DTD1: variants seen among roughly 807,000 people sequenced by gnomAD.
DTD1 encodes the protein D-aminoacyl-tRNA deacylase 1.
A neutral mutation model predicts 25.6 loss-of-function variants in DTD1; 13 were observed. That is an observed-to-expected ratio of 0.51 (90% CI 0.33 to 0.81). The LOEUF (loss-of-function observed/expected upper bound fraction) is 0.81. Ranked by LOEUF, DTD1 falls within the 30% of genes least tolerant of loss-of-function variation. DTD1 has a pLI of 0.02. For missense variants in DTD1, 193 were observed against 266.4 expected, an observed-to-expected ratio of 0.72 and a Z score of 1.92; for synonymous variants, 110 against 103.6, an observed-to-expected ratio of 1.06 and a Z score of -0.37.
At chr20:18,683,726 TG>T (rs1298497676) in intron 4 of DTD1, among the ~76,000 whole-genome samples, 2 of 152,186 alleles carry the variant, frequency 1.3e-5, no homozygotes, top group Non-Finnish European at 2.9e-5. Flanking sequence ...TGACCTTCTT[TG>T]GGGGTAGTTT....
chr20:18,643,378 T>C, intron 4 of DTD1: 1 of 237,088 alleles, frequency 4.2e-6, no homozygotes, highest in Non-Finnish European at 8.9e-6. Flanking sequence ...CTGGCTTGAC[T>C]CTAAAGTCTC....
At chr20:18,753,224 A>G (rs1260569695) in intron 5 of DTD1, among the ~76,000 whole-genome samples, 2 of 152,194 alleles carry the variant, frequency 1.3e-5, no homozygotes, top group Non-Finnish European at 2.9e-5. Flanking sequence ...CTGCTATTCT[A>G]TCATTGCAGA....
At chr20:18,694,249 G>A (rs1004445444) in intron 4 of DTD1, among the ~76,000 whole-genome samples, 8 of 152,148 alleles carry the variant, frequency 5.3e-5, no homozygotes, top group East Asian at 1.9e-4. Context: ...TGTCAGTACC[G>A]CAGTGCTCAC....
At chr20:18,627,037 G>A (rs2060762138) in intron 3 of DTD1, among the ~76,000 whole-genome samples, 1 of 152,166 alleles carries the variant, frequency 6.6e-6, no homozygotes. Context: ...GATTTGAACG[G>A]CCACTTTAAT....
intron 5 of DTD1, among the ~76,000 whole-genome samples, chr20:18,755,868 C>CA (rs1280657158): frequency 6.6e-6 from 1 of 152,122 alleles, no homozygotes; most frequent in Non-Finnish European, 1.5e-5. Flanking sequence ...AATGGTTGAA[C>CA]TAGTTTACAG....
intron 3 of DTD1, 29 bp downstream of exon 3, chr20:18,596,270 G>A (rs775646927): frequency 3.2e-6 from 5 of 1,581,530 alleles, no homozygotes; most frequent in Non-Finnish European, 3.5e-6. Flanking sequence ...TCCAGGAACG[G>A]GTCTTTGGGA....
At position 18,658,455 on chromosome 20, in the gene DTD1, T is replaced by C. The variant is rs117168386; in HGVS notation, c.477+30222T>C. Among the ~76,000 whole-genome samples the C allele has an allele frequency of 4.6e-3, 695 of 152,142 alleles. 5 individuals are homozygous for C. Among genetic ancestry groups the C allele is most frequent in the Non-Finnish European group, 5.3e-3 (360 of 68,008 alleles). ...ATTCTCCTGCCTCAGCCTCATGATA[T>C]TTGTACTTAATTTCTAATAATTAAA... On this transcript the variant is annotated intron_variant, in intron 4 of 5. Coordinates refer to ENST00000377452, the MANE Select transcript of DTD1 (RefSeq NM_080820.6).
intron 4 of DTD1, among the ~76,000 whole-genome samples, chr20:18,735,537 C>T (rs1481032503): frequency 6.6e-6 from 1 of 152,212 alleles, no homozygotes; most frequent in Non-Finnish European, 1.5e-5. Flanking sequence ...ATAATAATAT[C>T]TGTTCTTGAT....
At chr20:18,734,838 T>A (rs2061250026) in intron 4 of DTD1, among the ~76,000 whole-genome samples, 1 of 152,210 alleles carries the variant, frequency 6.6e-6, no homozygotes, top group Non-Finnish European at 1.5e-5. Flanking sequence ...GAGATAAATT[T>A]CTAAAGCTAT....
At chr20:18,606,285 C>T (rs2060657328) in intron 3 of DTD1, among the ~76,000 whole-genome samples, 1 of 132,826 alleles carries the variant, frequency 7.5e-6, no homozygotes, top group Non-Finnish European at 1.6e-5. Flanking sequence ...ACAACAGGTG[C>T]TGGAGAGGAT....
At chr20:18,601,678 C>T (rs1229956463) in intron 3 of DTD1, among the ~76,000 whole-genome samples, 4 of 151,698 alleles carry the variant, frequency 2.6e-5, no homozygotes, top group Admixed American at 1.3e-4. Context: ...ACACCTCACA[C>T]GGCAGGGTAT....
intron 4 of DTD1, among the ~76,000 whole-genome samples, chr20:18,629,860 T>C (rs1282070326): frequency 6.6e-6 from 1 of 151,944 alleles, no homozygotes; most frequent in African/African-American, 2.4e-5. Context: ...CAGGGGGATG[T>C]ACTACACATT....
chr20:18,763,868 A>G lies in DTD1; in HGVS notation c.*528A>G, dbSNP rs1198587073. On this transcript the variant is annotated 3_prime_UTR_variant, in exon 6 of 6. Coordinates refer to ENST00000377452, the MANE Select transcript of DTD1 (RefSeq NM_080820.6). ...AAATTTTCTCTTTTTTCTAAAAATA[A>G]ATAATAATAAAATCCTAAATCTCAA... 1 of 152,236 alleles carries G rather than the reference A, an allele frequency of 6.6e-6. No individual in the cohort carries two copies. Among genetic ancestry groups the G allele is most frequent in the African/African-American group, 2.4e-5 (1 of 41,470 alleles). 9.4% of individuals were successfully genotyped at this position (152,236 alleles called of 1,614,324 possible).
At chr20:18,720,701 T>TA (rs1416779258) in intron 4 of DTD1, among the ~76,000 whole-genome samples, 3 of 151,958 alleles carry the variant, frequency 2.0e-5, no homozygotes, top group Non-Finnish European at 4.4e-5. Context: ...AAAAAAAACA[T>TA]ACAAAAATTA....
At chr20:18,634,558 G>A (rs952431755) in intron 4 of DTD1, among the ~76,000 whole-genome samples, 4 of 152,120 alleles carry the variant, frequency 2.6e-5, no homozygotes, top group African/African-American at 9.7e-5. Context: ...TCAATTTTAC[G>A]GAGCTATTAA....
At chr20:18,680,487 G>A (rs1465371372) in intron 4 of DTD1, among the ~76,000 whole-genome samples, 2 of 144,752 alleles carry the variant, frequency 1.4e-5, no homozygotes, top group East Asian at 2.1e-4. Flanking sequence ...AGTGATCCTC[G>A]CATCTGGGCC....
intron 4 of DTD1, among the ~76,000 whole-genome samples, chr20:18,727,161 G>A (rs1402098545): frequency 6.6e-6 from 1 of 152,232 alleles, no homozygotes; most frequent in African/African-American, 2.4e-5. Context: ...CCATGGGTGG[G>A]AGCAGAGGGG....
intron 4 of DTD1, among the ~76,000 whole-genome samples, chr20:18,723,995 C>T (rs2061214643): frequency 6.6e-6 from 1 of 152,200 alleles, no homozygotes; most frequent in East Asian, 1.9e-4. Flanking sequence ...GTCACCACCA[C>T]ATTTCCAGGC....
In DTD1 at chr20:18,765,474, A is replaced by T. The variant is rs951399806; in HGVS notation, c.*2134A>T. 6.6e-6 allele frequency: 1 copy of T among 152,224 alleles called. No homozygotes were observed. The highest frequency in any genetic ancestry group is 2.4e-5 in the African/African-American group (1 of 41,446). The allele number at this position is 152,224 out of a possible 1,614,324, so 9.4% of individuals were successfully genotyped here. The stretch of plus-strand genomic sequence containing the variant: ...GAAAGCATTTACTACTTTTGTAAAC[A>T]TTTTGGATTGAAGAGAACTTTTCCA... On this transcript the variant is annotated 3_prime_UTR_variant, in exon 6 of 6. Coordinates refer to ENST00000377452, the MANE Select transcript of DTD1 (RefSeq NM_080820.6).
Sources: gnomAD v4.1 joint callset for allele counts (sites outside exome capture counted in the v4.1 genomes callset) on GRCh38, gnomAD v4.1.1 for gene constraint, MANE v1.5 for transcripts, NCBI Gene and HGNC (gene_info 2026-07-23, HGNC 2026-07-21) for gene names.